CLSTN2: variants seen among roughly 807,000 people sequenced by gnomAD.
The protein encoded by CLSTN2 is calsyntenin 2.
CLSTN2 carries 48 observed loss-of-function variants against 101.2 expected under a neutral mutation model. That is an observed-to-expected ratio of 0.47 (90% CI 0.38 to 0.60). The LOEUF is 0.60. CLSTN2 is among the 20% of genes least tolerant of loss of function. The pLI, the probability that CLSTN2 is intolerant of heterozygous loss-of-function variation, is 0.00. For synonymous variants in CLSTN2, 481 were observed against 463.6 expected, an observed-to-expected ratio of 1.04 and a Z score of -0.48; for missense variants, 1,160 against 1,238.2, an observed-to-expected ratio of 0.94 and a Z score of 0.95.
At chr3:140,148,607 C>A (rs1382016429) in intron 1 of CLSTN2, among the ~76,000 whole-genome samples, 4 of 152,254 alleles carry the variant, frequency 2.6e-5, no homozygotes, top group Middle Eastern at 3.4e-3. Flanking sequence ...GTGTTTAGTG[C>A]CAAACTCCTA....
At chr3:140,043,375 A>G (rs142085659) in intron 1 of CLSTN2, among the ~76,000 whole-genome samples, 2,231 of 151,678 alleles carry the variant, frequency 0.015, 53 homozygotes, top group African/African-American at 0.05. Flanking sequence ...GGGGTTGTTT[A>G]TTTTTTTCTT....
chr3:140,413,888 G>T (rs2088395638), intron 4 of CLSTN2, among the ~76,000 whole-genome samples: 1 of 152,022 alleles, frequency 6.6e-6, no homozygotes, highest in African/African-American at 2.4e-5. Context: ...ATGTATAGAA[G>T]GAATGTCTTC....
At chr3:139,994,215 G>A (rs1429932285) in intron 1 of CLSTN2, among the ~76,000 whole-genome samples, 1 of 152,182 alleles carries the variant, frequency 6.6e-6, no homozygotes, top group African/African-American at 2.4e-5. Flanking sequence ...TTGGGTTTGG[G>A]CACTGTATCT....
intron 2 of CLSTN2, among the ~76,000 whole-genome samples, chr3:140,392,824 AT>A (rs201524860): frequency 1.3e-5 from 2 of 151,722 alleles, no homozygotes; most frequent in African/African-American, 4.8e-5. Context: ...AAACTGGGTA[AT>A]TTTTTTTAAA....
At chr3:139,966,854 G>T (rs139907022) in intron 1 of CLSTN2, among the ~76,000 whole-genome samples, 85 of 152,240 alleles carry the variant, frequency 5.6e-4, no homozygotes, top group Middle Eastern at 6.8e-3. Context: ...TAGAGACTGA[G>T]GTCCTATGCT....
chr3:140,552,271 C>T (rs72980105), intron 10 of CLSTN2, among the ~76,000 whole-genome samples: 238 of 152,182 alleles, frequency 1.6e-3, no homozygotes, highest in Non-Finnish European at 2.6e-3. Context: ...TACCCAAGGG[C>T]GAGTGAGCAA....
chr3:140,215,686 A>G (rs2010911314), intron 2 of CLSTN2, among the ~76,000 whole-genome samples: 1 of 152,210 alleles, frequency 6.6e-6, no homozygotes, highest in Non-Finnish European at 1.5e-5. Flanking sequence ...GAGCATAGCA[A>G]TAATCATGCA....
At chr3:140,510,083 A>C (rs1934777934) in intron 8 of CLSTN2, among the ~76,000 whole-genome samples, 1 of 152,240 alleles carries the variant, frequency 6.6e-6, no homozygotes, top group African/African-American at 2.4e-5. Context: ...CAAAGCTTCC[A>C]TTTTATAATA....
At chr3:140,350,329 T>C (rs1226499732) in intron 2 of CLSTN2, among the ~76,000 whole-genome samples, 2 of 152,234 alleles carry the variant, frequency 1.3e-5, no homozygotes, top group Non-Finnish European at 2.9e-5. Flanking sequence ...CAAATGCAGA[T>C]ATTATGTGGA....
chr3:140,246,070 T>G (rs183946996), intron 2 of CLSTN2, among the ~76,000 whole-genome samples: 147 of 152,358 alleles, frequency 9.6e-4, no homozygotes, highest in African/African-American at 3.3e-3. Context: ...TGCGTTTACG[T>G]TGATCCTTCC....
intron 8 of CLSTN2, among the ~76,000 whole-genome samples, chr3:140,500,656 G>T (rs1462249822): frequency 6.6e-6 from 1 of 152,072 alleles, no homozygotes. Context: ...AGGAAAGCTG[G>T]GCTCTGGTCC....
At chr3:140,108,409 T>C (rs1407373757) in intron 1 of CLSTN2, among the ~76,000 whole-genome samples, 2 of 152,224 alleles carry the variant, frequency 1.3e-5, no homozygotes, top group African/African-American at 2.4e-5. Context: ...CCATGGAACC[T>C]GGGAAGCCTG....
intron 1 of CLSTN2, among the ~76,000 whole-genome samples, chr3:139,939,379 G>T (rs1935088130): frequency 6.6e-6 from 1 of 152,210 alleles, no homozygotes; most frequent in African/African-American, 2.4e-5. Flanking sequence ...CAGCTAGAGG[G>T]TGTGGCACTG....
chr3:140,489,579 G>T (rs1245002933), intron 8 of CLSTN2, among the ~76,000 whole-genome samples: 2 of 152,086 alleles, frequency 1.3e-5, no homozygotes, highest in Non-Finnish European at 2.9e-5. Context: ...TGGAAGGCTT[G>T]CATGGAGCAG....
At chr3:140,352,691 G>A (rs2087622423) in intron 2 of CLSTN2, among the ~76,000 whole-genome samples, 1 of 152,194 alleles carries the variant, frequency 6.6e-6, no homozygotes, top group African/African-American at 2.4e-5. Flanking sequence ...CTGTCAGCAT[G>A]TCCTGTGCTT....
intron 2 of CLSTN2, among the ~76,000 whole-genome samples, chr3:140,229,315 C>T (rs72988187): frequency 6.6e-6 from 1 of 152,178 alleles, no homozygotes; most frequent in African/African-American, 2.4e-5. Flanking sequence ...TTTCTCAACA[C>T]TGTTTATACC....
At chr3:140,107,721 G>T (rs2009084285) in intron 1 of CLSTN2, among the ~76,000 whole-genome samples, 1 of 152,104 alleles carries the variant, frequency 6.6e-6, no homozygotes, top group Admixed American at 6.5e-5. Flanking sequence ...TCTCCACCTT[G>T]GGGCTGAACC....
intron 2 of CLSTN2, among the ~76,000 whole-genome samples, chr3:140,393,728 G>A (rs544654109): frequency 1.1e-4 from 17 of 152,276 alleles, no homozygotes; most frequent in South Asian, 2.1e-4. Flanking sequence ...CCTGAGAGCT[G>A]TGGGCAAATG....
chr3:140,417,812 C>A (rs1007100324), intron 4 of CLSTN2, among the ~76,000 whole-genome samples: 8 of 152,198 alleles, frequency 5.3e-5, no homozygotes, highest in South Asian at 2.1e-4. Context: ...ATGACCTTCT[C>A]CCATGCAACA....
Sources: allele counts gnomAD v4.1 joint callset (sites outside exome capture counted in the v4.1 genomes callset), GRCh38; gene constraint gnomAD v4.1.1; transcripts MANE v1.5; gene names NCBI Gene and HGNC (gene_info 2026-07-23, HGNC 2026-07-21).